Variants in TCERG1L observed in about 807,000 individuals in gnomAD.
The protein encoded by TCERG1L is transcription elongation regulator 1-like protein.
TCERG1L carries 37 observed loss-of-function variants against 56.3 expected under a neutral mutation model. The observed-to-expected ratio is 0.66, with a 90% CI of 0.51 to 0.87. The LOEUF (loss-of-function observed/expected upper bound fraction) is 0.87, where lower values mean the gene tolerates loss of function less well. Ranked by LOEUF, TCERG1L falls within the 40% of genes least tolerant of loss-of-function variation. The probability of loss-of-function intolerance (pLI) is 0.00; values close to 1 mark genes in which losing one functional copy is unlikely to be tolerated. For missense variants in TCERG1L, 799 were observed against 774.2 expected, an observed-to-expected ratio of 1.03 and a Z score of -0.38; for synonymous variants, 324 against 326.3, an observed-to-expected ratio of 0.99 and a Z score of 0.08.
intron 8 of TCERG1L, among the ~76,000 whole-genome samples, chr10:131,123,811 T>C (rs938766889): frequency 6.6e-6 from 1 of 152,152 alleles, no homozygotes; most frequent in African/African-American, 2.4e-5. Flanking sequence ...GCACGGTTAT[T>C]CCCATTAGGA....
Position 131,093,033 on chromosome 10 carries a change from C to T in TCERG1L, c.*129G>A, listed in dbSNP as rs561600625. 8.1e-5 allele frequency: 70 copies of T among 865,750 alleles called. No individual in the cohort carries two copies. The highest frequency in any genetic ancestry group is 1.4e-4 in the Admixed American group (5 of 36,010). The allele number at this position is 865,750 out of a possible 1,614,324, so 53.6% of individuals were successfully genotyped here. A position where few individuals can be genotyped will look rare whatever the true frequency, so the allele number is the denominator to read the frequency against. ...AGTAATCCTCTGAGAACGAAGACCC[C>T]GCAGTGCCGGTGCCCGCTGGGCCGT... On this transcript the variant is annotated 3_prime_UTR_variant, in exon 12 of 12. Coordinates refer to ENST00000368642, the MANE Select transcript of TCERG1L (RefSeq NM_174937.4).
At chr10:131,203,330 T>G (rs1845466775) in intron 4 of TCERG1L, among the ~76,000 whole-genome samples, 1 of 74,792 alleles carries the variant, frequency 1.3e-5, no homozygotes, top group Admixed American at 1.5e-4. Flanking sequence ...AAAAAAGACT[T>G]CCAGTATGTC....
chr10:131,254,005 A>C (rs1213824866), intron 4 of TCERG1L, among the ~76,000 whole-genome samples: 1 of 152,174 alleles, frequency 6.6e-6, no homozygotes, highest in African/African-American at 2.4e-5. Flanking sequence ...TCCAGGGGCC[A>C]CTTCAGGATG....
intron 4 of TCERG1L, among the ~76,000 whole-genome samples, chr10:131,258,120 G>C (rs929125959): frequency 3.3e-5 from 5 of 151,820 alleles, no homozygotes; most frequent in Non-Finnish European, 5.9e-5. Flanking sequence ...GCTCATCCTT[G>C]TCCTGCCCCT....
At chr10:131,167,040 GAAGTC>G (rs1322048177) in intron 4 of TCERG1L, among the ~76,000 whole-genome samples, 155 bp from the exon 5 acceptor site, 1 of 152,374 alleles carries the variant, frequency 6.6e-6, no homozygotes, top group South Asian at 2.1e-4. Flanking sequence ...TCCTTGGGTT[GAAGTC>G]TAGTGACAAA....
chr10:131,219,876 A>G (rs1589752573), intron 4 of TCERG1L, among the ~76,000 whole-genome samples: 1 of 152,304 alleles, frequency 6.6e-6, no homozygotes, highest in East Asian at 1.9e-4. Flanking sequence ...GTGAGGCTGT[A>G]GTGGAAAGAG....
intron 10 of TCERG1L, among the ~76,000 whole-genome samples, chr10:131,099,539 G>A (rs561212061): frequency 1.3e-5 from 2 of 152,330 alleles, no homozygotes; most frequent in South Asian, 4.1e-4. Context: ...CAACGGCCAG[G>A]CAGATCCTAG....
At chr10:131,169,454 A>G (rs1472492514) in intron 4 of TCERG1L, among the ~76,000 whole-genome samples, 4 of 152,196 alleles carry the variant, frequency 2.6e-5, no homozygotes, top group African/African-American at 9.7e-5. Flanking sequence ...AAGCGATGGG[A>G]CGAGGGAAGT....
chr10:131,248,027 A>G (rs1846058491), intron 4 of TCERG1L, among the ~76,000 whole-genome samples: 1 of 151,908 alleles, frequency 6.6e-6, no homozygotes, highest in Non-Finnish European at 1.5e-5. Flanking sequence ...ACTCACACAC[A>G]CAGGTAAACT....
At chr10:131,129,087 G>GAAAATAAAAATGAAGCGTGAAAGGGAA (rs1845592251) in intron 8 of TCERG1L, among the ~76,000 whole-genome samples, 1 of 151,940 alleles carries the variant, frequency 6.6e-6, no homozygotes. Context: ...AACAAATGAA[G>GAAAATAAAAATGAAGCGTGAAAGGGAA]AAAATAAAAA....
At chr10:131,256,992 G>GGAAGGAAGGAAAGAAAA (rs1846173015) in intron 4 of TCERG1L, among the ~76,000 whole-genome samples, 9 of 59,170 alleles carry the variant, frequency 1.5e-4, no homozygotes, top group African/African-American at 5.0e-4. Context: ...AAGGAAGGAA[G>GGAAGGAAGGAAAGAAAA]GAAAGAAAGA....
chr10:131,095,803 A>G (rs1845239244), intron 11 of TCERG1L: 1 of 152,176 alleles, frequency 6.6e-6, no homozygotes. Flanking sequence ...TCATTTTAAA[A>G]AGAGTCCGTT....
intron 5 of TCERG1L, 41 bp downstream of exon 5, chr10:131,166,756 G>T: frequency 6.2e-7 from 1 of 1,601,604 alleles, no homozygotes; most frequent in Non-Finnish European, 8.6e-7. Context: ...CCACACCCAG[G>T]GTTTTGTGTC....
intron 4 of TCERG1L, among the ~76,000 whole-genome samples, chr10:131,204,190 T>G (rs2133478905): frequency 6.6e-6 from 1 of 152,364 alleles, no homozygotes; most frequent in Non-Finnish European, 1.5e-5. Flanking sequence ...AGCTAGGGTC[T>G]TGGCAGCTCT....
chr10:131,148,459 CACACAGACACAT>C lies in TCERG1L; in HGVS notation c.1035-1811_1035-1800del, dbSNP rs754356466. 1.7e-4 allele frequency among the ~76,000 whole-genome samples: 25 copies of C among 144,944 alleles called. No homozygotes were observed. In the East Asian group the frequency reaches 3.7e-3, roughly 22 times the overall value. On this transcript the variant is annotated intron_variant, in intron 6 of 11. Transcript: ENST00000368642. ...ACATGCAGAGATACACACATAAACA[CACACAGACACAT>C]ACACAGACACATGCACACATATATA...
intron 4 of TCERG1L, among the ~76,000 whole-genome samples, chr10:131,182,628 T>C (rs184481782): frequency 3.9e-5 from 6 of 152,218 alleles, no homozygotes; most frequent in African/African-American, 1.2e-4. Flanking sequence ...CGTGTGGTTA[T>C]GGTAGCCTGT....
intron 8 of TCERG1L, among the ~76,000 whole-genome samples, chr10:131,134,127 G>A (rs1845649192): frequency 6.6e-6 from 1 of 152,192 alleles, no homozygotes; most frequent in Non-Finnish European, 1.5e-5. Flanking sequence ...GGCTGAGCAT[G>A]TGGGCGCCTG....
intron 1 of TCERG1L, among the ~76,000 whole-genome samples, chr10:131,310,168 T>G (rs926602247): frequency 2.2e-4 from 33 of 152,192 alleles, no homozygotes; most frequent in African/African-American, 8.0e-4. Flanking sequence ...TCTTTTAAAT[T>G]TATATAAGTG....
intron 3 of TCERG1L, among the ~76,000 whole-genome samples, chr10:131,298,166 G>A (rs138571414): frequency 0.037 from 5,505 of 146,902 alleles, 125 homozygotes; most frequent in African/African-American, 0.055. Context: ...TTTTAATATA[G>A]GCGTTTTAAT....
Sources: allele counts gnomAD v4.1 joint callset (sites outside exome capture counted in the v4.1 genomes callset), GRCh38; gene constraint gnomAD v4.1.1; transcripts MANE v1.5; gene names NCBI Gene and HGNC (gene_info 2026-07-23, HGNC 2026-07-21).